Variants in CAB39L observed in about 807,000 individuals in gnomAD.
CAB39L encodes the protein calcium-binding protein 39-like.
CAB39L carries 23 observed loss-of-function variants against 39.1 expected under a neutral mutation model. The observed-to-expected ratio is 0.59, with a 90% CI of 0.42 to 0.83. The LOEUF is 0.83. CAB39L is among the 40% of genes least tolerant of loss of function. CAB39L has a pLI of 0.00. For synonymous variants in CAB39L, 126 were observed against 137.2 expected, an observed-to-expected ratio of 0.92 and a Z score of 0.57; for missense variants, 366 against 391.9, an observed-to-expected ratio of 0.93 and a Z score of 0.56.
chr13:49,310,901 T>C lies in CAB39L; in HGVS notation c.927A>G (p.Gln309=). The C allele has an allele frequency of 1.2e-6, 2 of 1,614,188 alleles. No homozygotes were observed. Among genetic ancestry groups the C allele is most frequent in the East Asian group, 2.2e-5 (1 of 44,874 alleles). ...PKLIEFLSSF[Q]KERTDDEQFA... is the part of the protein sequence containing the mutation. ...ACTGCTCATCATCCGTCCTTTCTTT[T>C]TGGAAGCTGCTCAGAAACTCAATGA... is the stretch of plus-strand genomic sequence containing the variant. The change falls in exon 11 of 11, where the codon CAA becomes CAG. Residue 309 remains glutamine, a synonymous_variant. Coordinates refer to ENST00000409308, the MANE Select transcript of CAB39L (RefSeq NM_001079670.3).
At chr13:49,333,725 C>T (rs1179863920) in intron 9 of CAB39L, among the ~76,000 whole-genome samples, 1 of 151,922 alleles carries the variant, frequency 6.6e-6, no homozygotes, top group African/African-American at 2.4e-5. Context: ...CCACCTGCCA[C>T]CATGCCCGGC....
At chr13:49,395,852 G>A (rs9568193) in intron 3 of CAB39L, among the ~76,000 whole-genome samples, 90,898 of 151,858 alleles carry the variant, frequency 0.6, 27,944 homozygotes, top group African/African-American at 0.72. Flanking sequence ...GGGGGTAGGA[G>A]AGGACCTAGG....
intron 1 of CAB39L, among the ~76,000 whole-genome samples, chr13:49,437,609 C>T (rs1957438269): frequency 1.3e-5 from 2 of 152,150 alleles, no homozygotes; most frequent in African/African-American, 4.8e-5. Flanking sequence ...TTACAGTCTC[C>T]ACCTTGCTTG....
At chr13:49,414,477 G>A (rs1287060578) in intron 3 of CAB39L, among the ~76,000 whole-genome samples, 1 of 152,050 alleles carries the variant, frequency 6.6e-6, no homozygotes, top group Non-Finnish European at 1.5e-5. Context: ...TATTTACAAA[G>A]GAAAGCCAAG....
chr13:49,376,728 T>C (rs1956069752), intron 5 of CAB39L, among the ~76,000 whole-genome samples: 2 of 152,226 alleles, frequency 1.3e-5, no homozygotes, highest in Admixed American at 1.3e-4. Context: ...TGTTACTTCT[T>C]ATTATTACTT....
Position 49,372,393 on chromosome 13 carries a change from GTATTGTCCC to G in CAB39L, c.276+4565_276+4573del, listed in dbSNP as rs1167309040. ...CACATGATGATAGCCGGATCCTCCA[GTATTGTCCC>G]TACCCCAGTGGGCCACTTTCCTCTA... On this transcript the variant is annotated intron_variant, in intron 5 of 10. Transcript: ENST00000409308. 3.9e-5 allele frequency among the ~76,000 whole-genome samples: 6 copies of G among 152,184 alleles called. No individual in the cohort carries two copies. The East Asian group carries it at 9.6e-4, about 24-fold the overall frequency.
rs539332301 is a variant in CAB39L, at chr13:49,332,076, C to T, written c.705G>A (p.Leu235=). The change falls in exon 10 of 11, where the codon CTG becomes CTA. Residue 235 remains leucine (L), a synonymous_variant. Transcript: ENST00000409308. ...KRQSLKLLGE[L]ILDRHNFAIM... Reference sequence around the variant, plus strand: ...TGGCAAAGTTGTGACGGTCCAGGATCAGCTCCCCTAGCAGCTAGAGGAAAA... The same window carrying T: ...TGGCAAAGTTGTGACGGTCCAGGATTAGCTCCCCTAGCAGCTAGAGGAAAA... 3.7e-6 allele frequency: 6 copies of T among 1,613,966 alleles called. No individual in the cohort carries two copies. In the East Asian group the frequency reaches 1.3e-4, roughly 36 times the overall value.
intron 5 of CAB39L, among the ~76,000 whole-genome samples, chr13:49,375,166 C>CAT (rs1290992706): frequency 1.3e-5 from 2 of 151,974 alleles, no homozygotes; most frequent in African/African-American, 4.8e-5. Context: ...TATAACACAA[C>CAT]ATATATATGT....
intron 3 of CAB39L, among the ~76,000 whole-genome samples, chr13:49,415,338 A>C (rs1240434064): frequency 6.6e-6 from 1 of 151,642 alleles, no homozygotes; most frequent in Non-Finnish European, 1.5e-5. Context: ...AATATGGTGA[A>C]ACCCCTTCTC....
chr13:49,395,178 A>C (rs920994776), intron 3 of CAB39L, among the ~76,000 whole-genome samples: 1 of 151,772 alleles, frequency 6.6e-6, no homozygotes, highest in African/African-American at 2.4e-5. Flanking sequence ...TGAATAAACA[A>C]ATAACCTTTT....
intron 5 of CAB39L, among the ~76,000 whole-genome samples, chr13:49,361,268 A>G (rs1955621098): frequency 6.6e-6 from 1 of 152,132 alleles, no homozygotes; most frequent in African/African-American, 2.4e-5. Flanking sequence ...TCAAGAGGTC[A>G]GGAGTTCAAG....
At chr13:49,411,434 C>T (rs11618821) in intron 3 of CAB39L, among the ~76,000 whole-genome samples, 48,893 of 144,862 alleles carry the variant, frequency 0.34, 8,835 homozygotes, top group Middle Eastern at 0.41. Context: ...AAAAGAAAAT[C>T]CCCCACCTCC....
At chr13:49,431,646 G>T (rs907841938) in intron 3 of CAB39L, among the ~76,000 whole-genome samples, 12 of 151,964 alleles carry the variant, frequency 7.9e-5, no homozygotes, top group Admixed American at 4.6e-4. Context: ...GGTGGAGGCT[G>T]CAGTGAGCCA....
At chr13:49,386,918 C>T (rs1001567633) in intron 3 of CAB39L, among the ~76,000 whole-genome samples, 2 of 152,162 alleles carry the variant, frequency 1.3e-5, no homozygotes, top group Non-Finnish European at 2.9e-5. Flanking sequence ...CTTTCTCACA[C>T]TCTGGGCGAC....
chr13:49,401,476 TTC>T (rs1956769493), intron 3 of CAB39L: 1 of 152,232 alleles, frequency 6.6e-6, no homozygotes, highest in Admixed American at 6.5e-5. Context: ...TCACAGGCAG[TTC>T]TGTTTCTGGT....
intron 1 of CAB39L, among the ~76,000 whole-genome samples, chr13:49,437,013 C>T (rs2031531): frequency 0.14 from 20,968 of 152,162 alleles, 1,659 homozygotes; most frequent in Non-Finnish European, 0.18. Flanking sequence ...TCAAGTGATC[C>T]GCCCACCTTG....
intron 5 of CAB39L, among the ~76,000 whole-genome samples, chr13:49,367,040 G>T (rs1328824002): frequency 6.6e-6 from 1 of 152,074 alleles, no homozygotes; most frequent in Non-Finnish European, 1.5e-5. Flanking sequence ...TGGATAAAAG[G>T]CTGGGTGGGG....
chr13:49,440,672 T>C (rs956068068), intron 1 of CAB39L, among the ~76,000 whole-genome samples: 1 of 151,856 alleles, frequency 6.6e-6, no homozygotes, highest in East Asian at 1.9e-4. Context: ...CTTGTAGTTC[T>C]TGTAGAGATC....
At chr13:49,391,086 G>A (rs1354904286) in intron 3 of CAB39L, among the ~76,000 whole-genome samples, 2 of 152,126 alleles carry the variant, frequency 1.3e-5, no homozygotes, top group East Asian at 1.9e-4. Flanking sequence ...ACTCTAAAGC[G>A]AAATCCCACA....
Sources: allele counts gnomAD v4.1 joint callset (sites outside exome capture counted in the v4.1 genomes callset), GRCh38; gene constraint gnomAD v4.1.1; transcripts MANE v1.5; gene names NCBI Gene and HGNC (gene_info 2026-07-23, HGNC 2026-07-21).